The following MYT1 variants were observed in gnomAD, a reference collection of about 807,000 sequenced individuals.
The protein encoded by MYT1 is myelin transcription factor I.
Under a neutral mutation model 123.0 loss-of-function variants are expected in MYT1, and 23 were observed. The ratio of observed to expected loss-of-function variants is 0.19; its 90% CI spans 0.13 to 0.26. MYT1 has a LOEUF of 0.26. Ranked by LOEUF, MYT1 falls within the 10% of genes least tolerant of loss-of-function variation. The pLI is 1.00. For synonymous variants in MYT1, 518 were observed against 575.3 expected, an observed-to-expected ratio of 0.90 and a Z score of 1.43; for missense variants, 1,125 against 1,472.5, an observed-to-expected ratio of 0.76 and a Z score of 3.86.
chr20:64,214,045 G>A (rs549727117), intron 10 of MYT1, among the ~76,000 whole-genome samples: 5 of 152,306 alleles, frequency 3.3e-5, no homozygotes, highest in African/African-American at 9.6e-5. Flanking sequence ...CAAGGACCAC[G>A]GACGTCCAGG....
At chr20:64,204,152 T>C (rs961481870) in intron 4 of MYT1, among the ~76,000 whole-genome samples, 7 of 152,224 alleles carry the variant, frequency 4.6e-5, no homozygotes, top group Non-Finnish European at 8.8e-5. Context: ...CACTCCACAC[T>C]GGCCCCTTTG....
At position 64,208,363 on chromosome 20, in the gene MYT1, T is replaced by C. The variant is rs1983563784; in HGVS notation, c.1167T>C (p.Ala389=). The C allele has an allele frequency of 6.2e-7, 1 of 1,613,702 alleles. No individual in the cohort carries two copies. The highest frequency in any genetic ancestry group is 8.5e-7 in the Non-Finnish European group (1 of 1,180,024). The part of the protein sequence containing the change: ...GLLEQAIALK[A]EQVRTVCEPG... Reference sequence around the variant, plus strand: ...TGGAGCAGGCCATCGCCCTGAAGGCTGAACAGGTGCGCACAGTCTGCGAGC... The same window carrying C: ...TGGAGCAGGCCATCGCCCTGAAGGCCGAACAGGTGCGCACAGTCTGCGAGC... Residue 389 remains alanine (A), a synonymous_variant, in exon 7 of 23, where the codon GCT becomes GCC. Coordinates refer to ENST00000328439, the MANE Select transcript of MYT1 (RefSeq NM_004535.3). The surrounding 1 kb of genome is among the most constrained non-coding windows in gnomAD (Gnocchi z 5.4).
chr20:64,182,083 A>T lies in MYT1; in HGVS notation c.-98-7980A>T, dbSNP rs899107871. Among the ~76,000 whole-genome samples the T allele has an allele frequency of 3.3e-5, 5 of 152,224 alleles. No individual in the cohort carries two copies. The East Asian group carries it at 7.7e-4, about 23-fold the overall frequency. On this transcript the variant is annotated intron_variant, in intron 1 of 22. Transcript: ENST00000328439. ...CTAACCGTTTTCTTGCTGCCTTGCC[A>T]GGCTCTGATTTAAACCCAAGTAGCA...
chr20:64,237,471 C>T (rs1429064269), intron 21 of MYT1, 81 bp downstream of exon 21: 6 of 1,098,334 alleles, frequency 5.5e-6, no homozygotes, highest in African/African-American at 1.5e-5. Context: ...AGGCATCCGT[C>T]GGCACTCATC....
rs374336065 is a variant in MYT1, at chr20:64,228,133, T to C, written c.2675+162T>C. On this transcript the variant is annotated intron_variant, in intron 18 of 22. Coordinates refer to ENST00000328439, the MANE Select transcript of MYT1 (RefSeq NM_004535.3). ...GTTTCTTTCATTTTTATGGAAGCTC[T>C]CATACGCTACACGTTGATACCTGTG... 4 of 674,774 alleles carry C rather than the reference T, an allele frequency of 5.9e-6. No homozygotes were observed. In the African/African-American group the frequency reaches 7.3e-5, roughly 12 times the overall value. The allele number at this position is 674,774 out of a possible 1,614,324, so 41.8% of individuals were successfully genotyped here.
At position 64,191,482 on chromosome 20, in the gene MYT1, T is replaced by C. The variant is rs1982969210; in HGVS notation, c.-1+1322T>C. ...TGACCTCTCTTTTTTCTTTTTTGCA[T>C]GTAGATGCTCTCCAGCAAGGATCCA... On this transcript the variant is annotated intron_variant, in intron 2 of 22. Transcript: ENST00000328439. This position sits in a 1 kb window ranked among gnomAD's most constrained non-coding sequence, Gnocchi z 4.1. The C allele has an allele frequency of 6.6e-6, 1 of 152,274 alleles. No individual in the cohort carries two copies. The highest frequency in any genetic ancestry group is 2.1e-4 in the South Asian group (1 of 4,838). The allele number at this position is 152,274 out of a possible 1,614,324, so 9.4% of individuals were successfully genotyped here. A position where few individuals can be genotyped will look rare whatever the true frequency, so the allele number is the denominator to read the frequency against.
rs923479642 is a variant in MYT1, at chr20:64,166,964, C to A, written c.-99+2225C>A. On this transcript the variant is annotated intron_variant, in intron 1 of 22. Coordinates refer to ENST00000328439, the MANE Select transcript of MYT1 (RefSeq NM_004535.3). This position sits in a 1 kb window ranked among gnomAD's most constrained non-coding sequence, Gnocchi z 4.9. ...CTGTCCCTGCTGTGGATGTGGTGGG[C>A]GCTCTCCCTGGTGCTGCTCAGAGAC... 2.6e-5 allele frequency among the ~76,000 whole-genome samples: 4 copies of A among 152,082 alleles called. No individual in the cohort carries two copies. Among genetic ancestry groups the A allele is most frequent in the Non-Finnish European group, 5.9e-5 (4 of 68,026 alleles).
In MYT1 at chr20:64,217,197, G is replaced by T; in HGVS notation, c.1762G>T (p.Ala588Ser). Residue 588 changes from alanine to serine, a missense_variant, in exon 11 of 23, where the codon GCA becomes TCA. This residue lies in a region of MYT1 where 429 missense variants were observed against 604.1 expected (regional missense o/e 0.71). Coordinates refer to ENST00000328439, the MANE Select transcript of MYT1 (RefSeq NM_004535.3). The part of the protein sequence containing the change: ...EKFSKVTFDY[A>S]SFDAQVFGKR... Reference sequence around the variant, plus strand: ...GTTCTCCAAGGTCACCTTTGACTACGCAAGTTTCGATGCTCAGGTTTTTGG... The same window carrying T: ...GTTCTCCAAGGTCACCTTTGACTACTCAAGTTTCGATGCTCAGGTTTTTGG... The T allele has an allele frequency of 6.2e-7, 1 of 1,614,244 alleles. No individual in the cohort carries two copies. Among genetic ancestry groups the T allele is most frequent in the Non-Finnish European group, 8.5e-7 (1 of 1,180,044 alleles).
rs757425079 is a variant in MYT1 at position 64,205,729 on chromosome 20, A to G, written c.326A>G (p.Glu109Gly). Residue 109 changes from glutamate (E) to glycine (G), a missense_variant, in exon 6 of 23, where the codon GAA (glutamate) becomes GGA (glycine). Physicochemically the swap from Glu to Gly is moderately conservative, Grantham distance 98 (BLOSUM62 -2). Transcript: ENST00000328439. ...GACGCCTCTGTTTCGGATGAATCGG[A>G]AGGAACTCTGGAGGGGGCCGAGGCT... is the stretch of plus-strand genomic sequence containing the variant. ...VKDASVSDES[E>G]GTLEGAEAET... 6.8e-6 allele frequency: 11 copies of G among 1,614,048 alleles called. No homozygotes were observed. Among genetic ancestry groups the G allele is most frequent in the Non-Finnish European group, 9.3e-6 (11 of 1,180,026 alleles).
chr20:64,220,514 A>AG (rs1983968948), intron 13 of MYT1, among the ~76,000 whole-genome samples: 1 of 152,232 alleles, frequency 6.6e-6, no homozygotes, highest in African/African-American at 2.4e-5. Flanking sequence ...TCTGGGAAGC[A>AG]GGGGATCCTT....
rs766904202 is a variant in MYT1 at position 64,213,673 on chromosome 20, A to T, written c.1631+26A>T. On this transcript the variant is annotated intron_variant, in intron 10 of 22. Coordinates refer to ENST00000328439, the MANE Select transcript of MYT1 (RefSeq NM_004535.3). This position sits in a 1 kb window ranked among gnomAD's most constrained non-coding sequence, Gnocchi z 5.6. ...GTGAGTGAGATGAGCCACAGAACTG[A>T]AGAGGCTGCCTCCCAAATGCCTGCA... is the stretch of plus-strand genomic sequence containing the variant. 5.4e-5 allele frequency: 86 copies of T among 1,594,220 alleles called. No homozygotes were observed. The African/African-American group carries it at 8.7e-4, about 16-fold the overall frequency.
At chr20:64,228,620 G>C (rs909791345) in intron 18 of MYT1, among the ~76,000 whole-genome samples, 1 of 152,184 alleles carries the variant, frequency 6.6e-6, no homozygotes, top group African/African-American at 2.4e-5. Flanking sequence ...CCCTGACTCT[G>C]TGTGTTATCC....
In MYT1 at chr20:64,239,780, C is replaced by A; in HGVS notation, c.3114C>A (p.Asn1038Lys). ...LQSQISSMEK[N>K]LKNIEEENKL... ...CACAGATCTCCTCCATGGAGAAGAA[C>A]CTGAAGAACATCGAGGAGGAGAACA... Residue 1038 changes from asparagine to lysine, a missense_variant, in exon 22 of 23, where the codon AAC becomes AAA. This residue lies in a region of MYT1 where 243 missense variants were observed against 323.1 expected (regional missense o/e 0.75). Transcript: ENST00000328439. 6.2e-7 allele frequency: 1 copy of A among 1,613,952 alleles called. No homozygotes were observed. The highest frequency in any genetic ancestry group is 8.5e-7 in the Non-Finnish European group (1 of 1,180,004).
intron 21 of MYT1, among the ~76,000 whole-genome samples, chr20:64,237,706 C>T (rs1205053383): frequency 1.3e-5 from 2 of 152,222 alleles, no homozygotes; most frequent in African/African-American, 2.4e-5. Context: ...CTCTTACTCT[C>T]ATTAGAATGA....
chr20:64,196,038 C>T lies in MYT1; in HGVS notation c.1-2824C>T, dbSNP rs1442318711. Among the ~76,000 whole-genome samples the T allele has an allele frequency of 1.3e-5, 2 of 152,274 alleles. No individual in the cohort carries two copies. The highest frequency in any genetic ancestry group is 3.9e-4 in the East Asian group (2 of 5,178). The stretch of plus-strand genomic sequence containing the variant: ...GAGCAGACGTTCTTGAGAAAGGTTG[C>T]CGGCCCAGCAGTAAGAGTGGGTGAT... On this transcript the variant is annotated intron_variant, in intron 2 of 22. Transcript: ENST00000328439. The surrounding 1 kb of genome is among the most constrained non-coding windows in gnomAD (Gnocchi z 4.3).
At chr20:64,217,912 A>ACTGCCCT (rs1983887444) in intron 11 of MYT1, among the ~76,000 whole-genome samples, 2 of 152,240 alleles carry the variant, frequency 1.3e-5, no homozygotes, top group Admixed American at 6.5e-5. Context: ...CTTGTCACTT[A>ACTGCCCT]CTGCCCTAAT....
chr20:64,164,997 ATGT>A (rs1020953530), intron 1 of MYT1, among the ~76,000 whole-genome samples: 1 of 151,990 alleles, frequency 6.6e-6, no homozygotes, highest in East Asian at 1.9e-4. Context: ...TCCAGGGGAC[ATGT>A]TGTGCGTCTG....
Position 64,212,323 on chromosome 20 carries a change from G to A in MYT1, c.1517+185G>A, listed in dbSNP as rs925873841. ...CTGTGTGTCCCTGCCTGGGCCGTGA[G>A]CCCGTGACCTGGGACGGGGCTCTGG... On this transcript the variant is annotated intron_variant, in intron 9 of 22. Transcript: ENST00000328439. The surrounding 1 kb of genome is among the most constrained non-coding windows in gnomAD (Gnocchi z 6.8). Among the ~76,000 whole-genome samples the A allele has an allele frequency of 2.0e-5, 3 of 152,166 alleles. No individual in the cohort carries two copies. The highest frequency in any genetic ancestry group is 4.4e-5 in the Non-Finnish European group (3 of 68,016).
Position 64,208,075 on chromosome 20 carries a change from A to AGAGGAG in MYT1, c.885_890dup (p.Glu305_Glu306dup), listed in dbSNP as rs756810545. ...AGGAAGAGGAGGAGGAGGAAGAGGA[A>AGAGGAG]GAGGAGGAGGAAGAGGAAGAGGAAG... is the stretch of plus-strand genomic sequence containing the variant. On this transcript the variant is annotated inframe_insertion, in exon 7 of 23. Coordinates refer to ENST00000328439, the MANE Select transcript of MYT1 (RefSeq NM_004535.3). This position sits in a 1 kb window ranked among gnomAD's most constrained non-coding sequence, Gnocchi z 5.4. 32 of 1,600,974 alleles carry AGAGGAG rather than the reference A, an allele frequency of 2.0e-5. No homozygotes were observed. The highest frequency in any genetic ancestry group is 4.5e-5 in the South Asian group (4 of 88,800).
Sources: allele counts gnomAD v4.1 joint callset (sites outside exome capture counted in the v4.1 genomes callset), GRCh38; gene constraint gnomAD v4.1.1; regional missense constraint gnomAD v4.1.1; non-coding constraint Gnocchi (gnomAD v3.1); transcripts MANE v1.5; gene names NCBI Gene and HGNC (gene_info 2026-07-23, HGNC 2026-07-21).